The following PDIA5 variants were observed in gnomAD, a reference collection of about 807,000 sequenced individuals.
The protein encoded by PDIA5 is protein disulfide-isomerase A5.
In PDIA5, 58 loss-of-function variants were observed where a neutral mutation model predicts 77.6. The ratio of observed to expected loss-of-function variants is 0.75; its 90% confidence interval spans 0.61 to 0.93. The LOEUF (loss-of-function observed/expected upper bound fraction) is 0.93, where lower values mean the gene tolerates loss of function less well. Among genes scored for constraint, PDIA5 ranks in the 40% least tolerant of loss-of-function variants. The pLI, the probability that PDIA5 is intolerant of heterozygous loss-of-function variation, is 0.00. For synonymous variants in PDIA5, 250 were observed against 252.1 expected (o/e 0.99, Z 0.08); for missense variants, 630 against 647.7 (o/e 0.97, Z 0.30).
intron 7 of PDIA5, among the ~76,000 whole-genome samples, chr3:123,115,438 G>C (rs1681199376): frequency 6.6e-6 from 1 of 152,184 alleles, no homozygotes; most frequent in Admixed American, 6.5e-5. Context: ...ACTAGGAGAG[G>C]AGTGTGACCA....
At chr3:123,122,493 T>C (rs1178123053) in intron 8 of PDIA5, among the ~76,000 whole-genome samples, 1 of 151,892 alleles carries the variant, frequency 6.6e-6, no homozygotes. Context: ...CCTTGCTGTA[T>C]GTGAGGCCTT....
At chr3:123,106,898 C>T in intron 6 of PDIA5, 57 bp downstream of exon 6, 1 of 1,194,166 alleles carries the variant, frequency 8.4e-7, no homozygotes, top group South Asian at 1.3e-5. Flanking sequence ...GTACCAGGGC[C>T]TCCCAAGGAA....
chr3:123,151,095 G>A (rs1031026643), intron 14 of PDIA5, among the ~76,000 whole-genome samples: 4 of 152,144 alleles, frequency 2.6e-5, no homozygotes, highest in African/African-American at 4.8e-5. Context: ...GTTGTAGCTG[G>A]CCCTCCTGTT....
At chr3:123,117,616 A>G (rs1285889867) in intron 8 of PDIA5, among the ~76,000 whole-genome samples, 1 of 151,604 alleles carries the variant, frequency 6.6e-6, no homozygotes, top group African/African-American at 2.4e-5. Flanking sequence ...GCTTAGCATT[A>G]TATCCTCAAG....
chr3:123,099,475 G>C lies in PDIA5; in HGVS notation c.258-2936G>C, dbSNP rs554232862. 1.4e-3 allele frequency among the ~76,000 whole-genome samples: 208 copies of C among 152,248 alleles called. 1 individual carries two copies. Among genetic ancestry groups the C allele is most frequent in the African/African-American group, 4.7e-3 (195 of 41,568 alleles). Reference sequence around the variant, plus strand: ...CCTCCCCACTCACCCCTCAGGGAGAGAGAGAGTGCAGGGGATGGGGAGAGG... The same window carrying C: ...CCTCCCCACTCACCCCTCAGGGAGACAGAGAGTGCAGGGGATGGGGAGAGG... On this transcript the variant is annotated intron_variant, in intron 3 of 16. Transcript: ENST00000316218.
At chr3:123,139,935 A>T (rs1458835313) in intron 11 of PDIA5, among the ~76,000 whole-genome samples, 1 of 152,194 alleles carries the variant, frequency 6.6e-6, no homozygotes, top group Non-Finnish European at 1.5e-5. Flanking sequence ...ATGGGCAGGG[A>T]ACAAGTGAGC....
At position 123,138,778 on chromosome 3, in the gene PDIA5, A is replaced by G. The variant is rs1349519917; in HGVS notation, c.911-6744A>G. 2.0e-5 allele frequency among the ~76,000 whole-genome samples: 3 copies of G among 152,134 alleles called. 1 individual carries two copies. Among genetic ancestry groups the G allele is most frequent in the Middle Eastern group, 6.8e-3 (2 of 294 alleles). On this transcript the variant is annotated intron_variant, in intron 11 of 16. Transcript: ENST00000316218. ...CCTCCACGCCCGTATTTCTGCTGGC[A>G]TTTGTAGGAAACCCTCCCTCCCTGG...
intron 15 of PDIA5, among the ~76,000 whole-genome samples, chr3:123,160,121 A>G (rs1441380904): frequency 1.3e-5 from 2 of 152,206 alleles, no homozygotes; most frequent in African/African-American, 4.8e-5. Context: ...GTTGTCCCCC[A>G]GCATCTAGAA....
At chr3:123,151,629 G>A (rs923762513) in intron 14 of PDIA5, among the ~76,000 whole-genome samples, 5 of 152,160 alleles carry the variant, frequency 3.3e-5, no homozygotes, top group South Asian at 2.1e-4. Flanking sequence ...TAAGCCCCCC[G>A]CCACCCTGAC....
intron 8 of PDIA5, among the ~76,000 whole-genome samples, chr3:123,119,298 A>G (rs1452582951): frequency 6.6e-6 from 1 of 152,162 alleles, no homozygotes; most frequent in Non-Finnish European, 1.5e-5. Flanking sequence ...GCCCAGGTCT[A>G]GAAATATAAA....
intron 11 of PDIA5, among the ~76,000 whole-genome samples, chr3:123,134,447 C>T (rs1935444429): frequency 6.6e-6 from 1 of 152,158 alleles, no homozygotes; most frequent in South Asian, 2.1e-4. Flanking sequence ...TGTGAGGCTG[C>T]CCTGCTGGGC....
At chr3:123,114,178 CA>C (rs937066015) in intron 7 of PDIA5, among the ~76,000 whole-genome samples, 1 of 152,228 alleles carries the variant, frequency 6.6e-6, no homozygotes, top group Non-Finnish European at 1.5e-5. Flanking sequence ...AGAGAGGCCA[CA>C]CTGTGGAGAC....
At chr3:123,134,819 C>T (rs1282963609) in intron 11 of PDIA5, among the ~76,000 whole-genome samples, 2 of 152,220 alleles carry the variant, frequency 1.3e-5, no homozygotes, top group African/African-American at 4.8e-5. Context: ...GCCCTGTCCC[C>T]CAGGAGCTGG....
intron 7 of PDIA5, among the ~76,000 whole-genome samples, chr3:123,113,680 G>A (rs1317736230): frequency 6.6e-6 from 1 of 152,112 alleles, no homozygotes; most frequent in Non-Finnish European, 1.5e-5. Context: ...TCATAATTCA[G>A]CTGATTCCTG....
chr3:123,084,121 C>T (rs1934076719), intron 1 of PDIA5, among the ~76,000 whole-genome samples: 1 of 152,164 alleles, frequency 6.6e-6, no homozygotes, highest in African/African-American at 2.4e-5. Context: ...CTCTCATTCT[C>T]AGATCCTGCC....
intron 11 of PDIA5, among the ~76,000 whole-genome samples, chr3:123,142,720 G>T (rs80150198): frequency 5.3e-5 from 8 of 152,296 alleles, no homozygotes; most frequent in East Asian, 1.9e-4. Context: ...CCTCTGGGGG[G>T]GCCGAGCTCA....
intron 11 of PDIA5, among the ~76,000 whole-genome samples, chr3:123,139,915 A>G (rs1461563034): frequency 6.6e-6 from 1 of 152,190 alleles, no homozygotes; most frequent in East Asian, 1.9e-4. Context: ...CCTCCATTCC[A>G]GTTGAGGGGA....
chr3:123,080,120 C>T (rs529350501), intron 1 of PDIA5, among the ~76,000 whole-genome samples: 1 of 151,768 alleles, frequency 6.6e-6, no homozygotes, highest in East Asian at 1.9e-4. Context: ...TGTTTGCTGT[C>T]TTTGGAGTGT....
chr3:123,147,223 C>T (rs1290186959), intron 13 of PDIA5, among the ~76,000 whole-genome samples: 2 of 152,146 alleles, frequency 1.3e-5, no homozygotes, highest in African/African-American at 2.4e-5. Context: ...CCCATGGCCA[C>T]CCCTCTATAT....
Sources: gnomAD v4.1 joint callset for allele counts (sites outside exome capture counted in the v4.1 genomes callset) on GRCh38, gnomAD v4.1.1 for gene constraint, MANE v1.5 for transcripts, NCBI Gene and HGNC (gene_info 2026-07-23, HGNC 2026-07-21) for gene names.